Variants in ERBB4 observed in about 807,000 individuals in gnomAD.
ERBB4 encodes receptor tyrosine-protein kinase erbB-4.
ERBB4 carries 42 observed loss-of-function variants against 158.0 expected under a neutral mutation model. That is an observed-to-expected ratio of 0.27 (90% CI 0.21 to 0.34). ERBB4 has a LOEUF of 0.34. ERBB4 is among the 10% of genes least tolerant of loss of function. The pLI is 1.00. For synonymous variants in ERBB4, 583 were observed against 558.7 expected (o/e 1.04, Z -0.61); for missense variants, 1,333 against 1,624.1 (o/e 0.82, Z 3.08).
At chr2:212,451,549 G>C (rs2092446354) in intron 1 of ERBB4, among the ~76,000 whole-genome samples, 1 of 152,186 alleles carries the variant, frequency 6.6e-6, no homozygotes, top group South Asian at 2.1e-4. Flanking sequence ...GATTAAAAGA[G>C]TAGCTCTATT....
At chr2:211,607,706 A>AT (rs992231925) in intron 19 of ERBB4, among the ~76,000 whole-genome samples, 1 of 152,236 alleles carries the variant, frequency 6.6e-6, no homozygotes, top group East Asian at 1.9e-4. Context: ...ATGCAATAGC[A>AT]TTTTTTGGGA....
intron 1 of ERBB4, among the ~76,000 whole-genome samples, chr2:212,338,426 T>C (rs2088549156): frequency 6.6e-6 from 1 of 152,112 alleles, no homozygotes; most frequent in African/African-American, 2.4e-5. Flanking sequence ...AGGTGGCTGT[T>C]TTAATTATCC....
chr2:211,390,616 G>C (rs1372526381), intron 25 of ERBB4, among the ~76,000 whole-genome samples: 3 of 152,176 alleles, frequency 2.0e-5, no homozygotes, highest in Non-Finnish European at 4.4e-5. Flanking sequence ...GGCTAGAATG[G>C]CTTCCATTGT....
chr2:211,469,767 C>A (rs2064786370), intron 20 of ERBB4, among the ~76,000 whole-genome samples: 1 of 152,184 alleles, frequency 6.6e-6, no homozygotes, highest in Non-Finnish European at 1.5e-5. Flanking sequence ...AACTCAGGTA[C>A]ATAACTTTGC....
chr2:211,376,908 G>C lies in ERBB4; in HGVS notation c.*6707C>G, dbSNP rs2062484182. The C allele has an allele frequency of 4.3e-6, 1 of 233,116 alleles. No homozygotes were observed. Among genetic ancestry groups the C allele is most frequent in the Non-Finnish European group, 8.5e-6 (1 of 117,718 alleles). 14.4% of individuals were successfully genotyped at this position (233,116 alleles called of 1,614,324 possible). On this transcript the variant is annotated 3_prime_UTR_variant, in exon 28 of 28. Transcript: ENST00000342788. ...GGAGACACACCAGCCAGGGAGACAG[G>C]CATTCAAAGTTAGCTGCCCTCACAC...
At chr2:212,528,243 G>A (rs771981527) in intron 1 of ERBB4, among the ~76,000 whole-genome samples, 16 of 152,100 alleles carry the variant, frequency 1.1e-4, no homozygotes, top group South Asian at 2.1e-4. Flanking sequence ...TGGGCAGGTA[G>A]AGTGGAGAAA....
intron 2 of ERBB4, among the ~76,000 whole-genome samples, chr2:211,966,486 T>G (rs909612973): frequency 1.3e-5 from 2 of 152,160 alleles, no homozygotes; most frequent in Non-Finnish European, 2.9e-5. Flanking sequence ...ATGATCCGCC[T>G]GCCTTGGCCT....
At chr2:211,433,584 A>AT (rs1559163787) in intron 20 of ERBB4, among the ~76,000 whole-genome samples, 1 of 149,180 alleles carries the variant, frequency 6.7e-6, no homozygotes, top group Non-Finnish European at 1.5e-5. Context: ...CTCAAAAAAA[A>AT]ATAAAATAAA....
At chr2:211,583,764 T>C (rs1296072778) in intron 19 of ERBB4, among the ~76,000 whole-genome samples, 2 of 151,426 alleles carry the variant, frequency 1.3e-5, no homozygotes, top group Non-Finnish European at 3.0e-5. Flanking sequence ...AATAAAGAAA[T>C]CATAAAGAGG....
At chr2:211,947,667 G>A in intron 2 of ERBB4, 51 bp from the exon 3 acceptor site, 2 of 1,474,226 alleles carry the variant, frequency 1.4e-6, no homozygotes, top group South Asian at 1.2e-5. Context: ...TTGTCACTCT[G>A]TATATGTAGC....
At chr2:211,785,850 A>G (rs540018545) in intron 4 of ERBB4, among the ~76,000 whole-genome samples, 2 of 152,194 alleles carry the variant, frequency 1.3e-5, no homozygotes, top group African/African-American at 2.4e-5. Flanking sequence ...CTTGTAATCC[A>G]TTGTAATTCA....
intron 3 of ERBB4, among the ~76,000 whole-genome samples, chr2:211,902,382 T>C (rs1161147574): frequency 4.6e-5 from 7 of 152,052 alleles, no homozygotes; most frequent in Admixed American, 3.9e-4. Flanking sequence ...GATATTAACA[T>C]CTGTAATATA....
At chr2:212,393,559 C>T (rs1342329741) in intron 1 of ERBB4, among the ~76,000 whole-genome samples, 5 of 152,026 alleles carry the variant, frequency 3.3e-5, no homozygotes, top group Admixed American at 3.3e-4. Context: ...TCTATTCACA[C>T]AATAATCTTT....
intron 2 of ERBB4, among the ~76,000 whole-genome samples, chr2:212,085,650 CTG>C (rs2078582226): frequency 6.6e-6 from 1 of 151,842 alleles, no homozygotes; most frequent in Non-Finnish European, 1.5e-5. Context: ...AAAAATAAAA[CTG>C]GAAACTTTGA....
At position 211,704,104 on chromosome 2, in the gene ERBB4, C is replaced by G. The variant is rs1482866370; in HGVS notation, c.1289G>C (p.Ser430Thr). Residue 430 changes from serine to threonine, a missense_variant and splice_region_variant, in exon 11 of 28, where the codon AGT becomes ACT. Coordinates refer to ENST00000342788, the MANE Select transcript of ERBB4 (RefSeq NM_005235.3). ...LVTIGGRVLY[S>T]GLSLLILKQQ... is the part of the protein sequence containing the mutation. ...TGCAGCTTTAAACATATCCACTTAC[C>G]TATAGAGTACTCTTCCACCAATGGT... 2 of 1,571,422 alleles carry G rather than the reference C, an allele frequency of 1.3e-6. No homozygotes were observed. The highest frequency in any genetic ancestry group is 1.8e-6 in the Non-Finnish European group (2 of 1,141,202).
intron 19 of ERBB4, among the ~76,000 whole-genome samples, chr2:211,585,522 A>T (rs1441877791): frequency 6.6e-6 from 1 of 152,098 alleles, no homozygotes; most frequent in Non-Finnish European, 1.5e-5. Context: ...AGGGGTCATG[A>T]TTTTTAAAAG....
chr2:212,170,685 A>G (rs2081488440), intron 1 of ERBB4, among the ~76,000 whole-genome samples: 1 of 152,118 alleles, frequency 6.6e-6, no homozygotes, highest in Non-Finnish European at 1.5e-5. Context: ...AAAGGTGCCA[A>G]TATACTCAGG....
chr2:211,838,595 T>G (rs769715873), intron 3 of ERBB4, among the ~76,000 whole-genome samples: 4 of 152,130 alleles, frequency 2.6e-5, no homozygotes, highest in Non-Finnish European at 5.9e-5. Context: ...CATATCCTTA[T>G]TGCAGTTTCA....
At chr2:212,116,982 G>A (rs141119012) in intron 2 of ERBB4, among the ~76,000 whole-genome samples, 2 of 151,892 alleles carry the variant, frequency 1.3e-5, no homozygotes, top group Non-Finnish European at 2.9e-5. Flanking sequence ...TGTAATACAA[G>A]TTCCATGATT....
Sources: allele counts gnomAD v4.1 joint callset (sites outside exome capture counted in the v4.1 genomes callset), GRCh38; gene constraint gnomAD v4.1.1; transcripts MANE v1.5; gene names NCBI Gene and HGNC (gene_info 2026-07-23, HGNC 2026-07-21).